Variants in CELSR1 observed in about 807,000 individuals in gnomAD.
CELSR1 encodes the protein cadherin EGF LAG seven-pass G-type receptor 1.
In CELSR1, 110 loss-of-function variants were observed where a neutral mutation model predicts 249.1. The observed-to-expected ratio is 0.44, with a 90% CI of 0.38 to 0.52. CELSR1 has a LOEUF of 0.52. CELSR1 is among the 20% of genes least tolerant of loss of function. The pLI, the probability that CELSR1 is intolerant of heterozygous loss-of-function variation, is 0.00. For synonymous variants in CELSR1, 2,113 were observed against 1,900.0 expected, an observed-to-expected ratio of 1.11 and a Z score of -2.92; for missense variants, 4,109 against 4,296.4, an observed-to-expected ratio of 0.96 and a Z score of 1.22.
chr22:46,459,681 CA>C (rs960004923), intron 2 of CELSR1, among the ~76,000 whole-genome samples: 4 of 152,198 alleles, frequency 2.6e-5, no homozygotes, highest in Admixed American at 2.0e-4. Flanking sequence ...AACCCACCAG[CA>C]CCCCCACCCC....
rs2147322414 is a variant in CELSR1, at chr22:46,408,771, T to C, written c.5226+225A>G. On this transcript the variant is annotated intron_variant, in intron 9 of 34. Transcript: ENST00000674500. This position sits in a 1 kb window ranked among gnomAD's most constrained non-coding sequence, Gnocchi z 4.6. The stretch of plus-strand genomic sequence containing the variant: ...GACCAGAACTGCCGCTGAGCTCTGC[T>C]GGGCCCCAGGGTTGGCCCAGCCCCA... Among the ~76,000 whole-genome samples, 1 of 152,338 alleles carries C rather than the reference T, an allele frequency of 6.6e-6. No homozygotes were observed. Among genetic ancestry groups the C allele is most frequent in the Admixed American group, 6.5e-5 (1 of 15,304 alleles).
intron 1 of CELSR1, among the ~76,000 whole-genome samples, chr22:46,498,242 TC>T (rs1414721625): frequency 8.4e-4 from 64 of 75,950 alleles, no homozygotes; most frequent in African/African-American, 3.6e-3. Flanking sequence ...AGAGTGAAAC[TC>T]TGTCTCAAAA....
Position 46,364,503 on chromosome 22 carries a change from C to T in CELSR1, c.8779+9G>A. 1 of 1,605,984 alleles carries T rather than the reference C, an allele frequency of 6.2e-7. No individual in the cohort carries two copies. The highest frequency in any genetic ancestry group is 8.5e-7 in the Non-Finnish European group (1 of 1,176,312). ...AGCCTTTCACTGCAGCCCCGGCCTC[C>T]CCAGGCACCTTTCCTCTGCTCTGGG... is the stretch of plus-strand genomic sequence containing the variant. On this transcript the variant is annotated intron_variant, in intron 33 of 34. Transcript: ENST00000674500.
chr22:46,378,742 AG>A (rs1171916371), intron 22 of CELSR1, 25 bp from the exon 23 acceptor site: 33 of 1,607,744 alleles, frequency 2.1e-5, no homozygotes, highest in Non-Finnish European at 2.6e-5. Flanking sequence ...GAGAAGGGGC[AG>A]GGGTAAGACG....
In CELSR1 at chr22:46,417,885, G is replaced by T. The variant is rs556248872; in HGVS notation, c.4612-6126C>A. ...GTCCAGCTGGGCGGGCCCAAGGCCG[G>T]CGGGGGGCTCACAGGACAGCAGTGT... On this transcript the variant is annotated intron_variant, in intron 5 of 34. Coordinates refer to ENST00000674500, the MANE Select transcript of CELSR1 (RefSeq NM_001378328.1). The surrounding 1 kb of genome is among the most constrained non-coding windows in gnomAD (Gnocchi z 4.1). Among the ~76,000 whole-genome samples, 1 of 152,372 alleles carries T rather than the reference G, an allele frequency of 6.6e-6. No homozygotes were observed. The highest frequency in any genetic ancestry group is 2.4e-5 in the African/African-American group (1 of 41,580).
At position 46,512,156 on chromosome 22, in the gene CELSR1, G is replaced by C; in HGVS notation, c.3544+21471C>G. Among the ~76,000 whole-genome samples the C allele has an allele frequency of 6.6e-6, 1 of 152,206 alleles. No homozygotes were observed. The highest frequency in any genetic ancestry group is 1.9e-4 in the East Asian group (1 of 5,202). On this transcript the variant is annotated intron_variant, in intron 1 of 34. Transcript: ENST00000674500. This position sits in a 1 kb window ranked among gnomAD's most constrained non-coding sequence, Gnocchi z 5.2. ...CACAGCAGCAGCAAGAGTGACGGCG[G>C]CGCTCATAAGCCCTTACTAAGCGTG...
intron 2 of CELSR1, among the ~76,000 whole-genome samples, chr22:46,463,254 G>A (rs1198515836): frequency 6.6e-6 from 1 of 152,206 alleles, no homozygotes; most frequent in South Asian, 2.1e-4. Flanking sequence ...GGTGGCTCAC[G>A]CCTGTAATCC....
In CELSR1 at chr22:46,390,539, G is replaced by T; in HGVS notation, c.6251-53C>A. The stretch of plus-strand genomic sequence containing the variant: ...CCTGAAACTCAAACTGTTGATCAAT[G>T]CTTGTGTATTTCAATCCACAATCTG... On this transcript the variant is annotated intron_variant, in intron 16 of 34. Coordinates refer to ENST00000674500, the MANE Select transcript of CELSR1 (RefSeq NM_001378328.1). This position sits in a 1 kb window ranked among gnomAD's most constrained non-coding sequence, Gnocchi z 6.3. The T allele has an allele frequency of 7.2e-7, 1 of 1,391,776 alleles. No homozygotes were observed. 86.2% of individuals were successfully genotyped at this position (1,391,776 alleles called of 1,614,324 possible).
intron 1 of CELSR1, among the ~76,000 whole-genome samples, chr22:46,476,940 T>A (rs748853689): frequency 6.6e-6 from 1 of 152,178 alleles, no homozygotes; most frequent in Non-Finnish European, 1.5e-5. Flanking sequence ...TTCACCTCAA[T>A]TTTTTTAAAA....
At chr22:46,458,657 G>A (rs1050919031) in intron 2 of CELSR1, among the ~76,000 whole-genome samples, 2 of 152,156 alleles carry the variant, frequency 1.3e-5, no homozygotes, top group African/African-American at 2.4e-5. Context: ...CTGGAGGCCC[G>A]GGGCATCTGA....
At chr22:46,416,345 G>A (rs901423276) in intron 5 of CELSR1, among the ~76,000 whole-genome samples, 1 of 152,234 alleles carries the variant, frequency 6.6e-6, no homozygotes, top group African/African-American at 2.4e-5. Flanking sequence ...GGCTCAGCTG[G>A]GTACTGCGCA....
chr22:46,536,689 C>T lies in CELSR1; in HGVS notation c.482G>A (p.Arg161His). The T allele has an allele frequency of 8.6e-7, 1 of 1,161,636 alleles. No homozygotes were observed. The highest frequency in any genetic ancestry group is 1.1e-6 in the Non-Finnish European group (1 of 944,838). 72.0% of individuals were successfully genotyped at this position (1,161,636 alleles called of 1,614,324 possible). The change falls in exon 1 of 35, where the codon CGC (arginine) becomes CAC (histidine). Residue 161 changes from arginine to histidine, a missense_variant. Coordinates refer to ENST00000674500, the MANE Select transcript of CELSR1 (RefSeq NM_001378328.1). ...TTLPACRCPP[R>H]PRPRCPGRPI... is the part of the protein sequence containing the mutation. ...ACGGCCGGGACAGCGGGGCCTGGGG[C>T]GCGGCGGGCAGCGGCAGGCGGGTAA...
chr22:46,486,568 C>T (rs34043998), intron 1 of CELSR1, among the ~76,000 whole-genome samples: 82,744 of 149,270 alleles, frequency 0.55, 23,031 homozygotes, highest in African/African-American at 0.64. Flanking sequence ...AAAGGCTGGA[C>T]GCAGGGGCTC....
At chr22:46,416,262 G>A (rs1000628592) in intron 5 of CELSR1, among the ~76,000 whole-genome samples, 2 of 152,254 alleles carry the variant, frequency 1.3e-5, no homozygotes, top group African/African-American at 4.8e-5. Context: ...TCTTGTGTTG[G>A]AAAGCGCCGG....
At chr22:46,376,711 A>G (rs1439723531) in intron 24 of CELSR1, among the ~76,000 whole-genome samples, 1 of 151,942 alleles carries the variant, frequency 6.6e-6, no homozygotes, top group Admixed American at 6.6e-5. Flanking sequence ...CTGGGGATGT[A>G]CACAAGAATC....
rs755503725 is a variant in CELSR1 at position 46,380,914 on chromosome 22, G to A, written c.7130C>T (p.Thr2377Met). The change falls in exon 22 of 35, where the codon ACG becomes ATG. Residue 2377 changes from threonine to methionine, a missense_variant. Physicochemically the swap from Thr to Met is moderately conservative, Grantham distance 81. Around this residue, in one of 7 missense-constraint regions of CELSR1, gnomAD observed 1,805 missense variants for 1,831.6 expected, o/e 0.99. Transcript: ENST00000674500. This position sits in a 1 kb window ranked among gnomAD's most constrained non-coding sequence, Gnocchi z 5.1. Reference sequence around the variant, plus strand: ...CGGAGCCCCCTCGCTGTACACCAGCGTGCTCACCATCGGGGTATTAATGAT... The same window carrying A: ...CGGAGCCCCCTCGCTGTACACCAGCATGCTCACCATCGGGGTATTAATGAT... ...RPIINTPMVS[T>M]LVYSEGAPLP... 1.2e-5 allele frequency: 19 copies of A among 1,613,596 alleles called. No individual in the cohort carries two copies. Among genetic ancestry groups the A allele is most frequent in the Admixed American group, 5.0e-5 (3 of 59,988 alleles).
rs949160468 is a variant in CELSR1, at chr22:46,410,317, C to T, written c.4933+81G>A. On this transcript the variant is annotated intron_variant, in intron 7 of 34. Coordinates refer to ENST00000674500, the MANE Select transcript of CELSR1 (RefSeq NM_001378328.1). This position sits in a 1 kb window ranked among gnomAD's most constrained non-coding sequence, Gnocchi z 6.8. Reference sequence around the variant, plus strand: ...AAAAACACGGCTCCCCAGGGATCTGCAAGCAGTGACCTCTGTGTGGCTGCC... The same window carrying T: ...AAAAACACGGCTCCCCAGGGATCTGTAAGCAGTGACCTCTGTGTGGCTGCC... 5.0e-5 allele frequency: 77 copies of T among 1,539,912 alleles called. No individual in the cohort carries two copies. The highest frequency in any genetic ancestry group is 6.8e-5 in the Non-Finnish European group (76 of 1,123,070).
chr22:46,533,171 C>A (rs533796852), intron 1 of CELSR1, among the ~76,000 whole-genome samples: 15 of 152,314 alleles, frequency 9.8e-5, no homozygotes, highest in Admixed American at 7.8e-4. Flanking sequence ...ACTCAGGGAC[C>A]CATCTGACAA....
In CELSR1 at chr22:46,502,973, C is replaced by T. The variant is rs114289804; in HGVS notation, c.3544+30654G>A. Reference sequence around the variant, plus strand: ...GCAGGTCCCCGCAGGCCACGGCACTCGGAGAGAAGATCAAAGGCTCGAGTT... The same window carrying T: ...GCAGGTCCCCGCAGGCCACGGCACTTGGAGAGAAGATCAAAGGCTCGAGTT... On this transcript the variant is annotated intron_variant, in intron 1 of 34. Coordinates refer to ENST00000674500, the MANE Select transcript of CELSR1 (RefSeq NM_001378328.1). 8.2e-3 allele frequency among the ~76,000 whole-genome samples: 1,250 copies of T among 152,260 alleles called. 18 individuals carry two copies. Among genetic ancestry groups the T allele is most frequent in the African/African-American group, 0.028 (1,178 of 41,560 alleles).
Sources: allele counts gnomAD v4.1 joint callset (sites outside exome capture counted in the v4.1 genomes callset), GRCh38; gene constraint gnomAD v4.1.1; regional missense constraint gnomAD v4.1.1; non-coding constraint Gnocchi (gnomAD v3.1); transcripts MANE v1.5; gene names NCBI Gene and HGNC (gene_info 2026-07-23, HGNC 2026-07-21).